ADAMTSL1: variants seen among roughly 807,000 people sequenced by gnomAD.
The protein encoded by ADAMTSL1 is ADAMTS-like protein 1.
In ADAMTSL1, 126 loss-of-function variants were observed where a neutral mutation model predicts 201.8. That is an observed-to-expected ratio of 0.62 (90% CI 0.54 to 0.72). ADAMTSL1 has a LOEUF of 0.72. Among genes scored for constraint, ADAMTSL1 ranks in the 30% least tolerant of loss-of-function variants. The pLI is 0.00. For synonymous variants in ADAMTSL1, 1,121 were observed against 903.4 expected, an observed-to-expected ratio of 1.24 and a Z score of -4.32; for missense variants, 2,679 against 2,277.8, an observed-to-expected ratio of 1.18 and a Z score of -3.59.
chr9:18,358,374 T>C (rs1474718619), intron 2 of ADAMTSL1, among the ~76,000 whole-genome samples: 1 of 152,184 alleles, frequency 6.6e-6, no homozygotes, highest in Non-Finnish European at 1.5e-5. Context: ...TTTATAGAGA[T>C]AAAATCCATA....
intron 23 of ADAMTSL1, among the ~76,000 whole-genome samples, chr9:18,876,319 TGTGTGTGTGTGC>T (rs930702465): frequency 8.6e-5 from 13 of 151,480 alleles, no homozygotes; most frequent in Admixed American, 2.0e-4. Flanking sequence ...TGTGTGTGTG[TGTGTGTGTGTGC>T]GTGATTGTTT....
chr9:17,965,953 T>C (rs2131411793), intron 1 of ADAMTSL1, among the ~76,000 whole-genome samples: 1 of 152,310 alleles, frequency 6.6e-6, no homozygotes, highest in South Asian at 2.1e-4. Context: ...CACTTGGGTC[T>C]TCTCTACTTT....
At chr9:17,995,919 T>C (rs1289330470) in intron 1 of ADAMTSL1, among the ~76,000 whole-genome samples, 1 of 151,886 alleles carries the variant, frequency 6.6e-6, no homozygotes, top group Non-Finnish European at 1.5e-5. Context: ...TCCTCATCTC[T>C]AAAATGACAC....
At chr9:18,809,758 C>T (rs927622430) in intron 20 of ADAMTSL1, among the ~76,000 whole-genome samples, 1 of 152,052 alleles carries the variant, frequency 6.6e-6, no homozygotes, top group African/African-American at 2.4e-5. Context: ...CATTGCACTC[C>T]AGCCTGGGCA....
chr9:18,488,234 A>G (rs2131841782), intron 1 of ADAMTSL1, among the ~76,000 whole-genome samples: 1 of 152,182 alleles, frequency 6.6e-6, no homozygotes, highest in South Asian at 2.1e-4. Context: ...CTTACCTTAG[A>G]TCTGTTCTGT....
At chr9:18,144,109 T>A (rs1359803605) in intron 1 of ADAMTSL1, among the ~76,000 whole-genome samples, 1 of 152,206 alleles carries the variant, frequency 6.6e-6, no homozygotes, top group African/African-American at 2.4e-5. Flanking sequence ...TAAAACTTAC[T>A]ACAAGGACAA....
At chr9:18,073,261 C>T (rs903490929) in intron 1 of ADAMTSL1, among the ~76,000 whole-genome samples, 3 of 152,054 alleles carry the variant, frequency 2.0e-5, no homozygotes, top group Non-Finnish European at 4.4e-5. Context: ...AATTGTGGGC[C>T]CTGTGAGGAG....
intron 23 of ADAMTSL1, among the ~76,000 whole-genome samples, chr9:18,864,592 A>G (rs982835439): frequency 6.6e-6 from 1 of 152,240 alleles, no homozygotes; most frequent in East Asian, 1.9e-4. Context: ...TAAAGTTAGC[A>G]TCTTCTGCTG....
intron 1 of ADAMTSL1, among the ~76,000 whole-genome samples, chr9:18,151,210 A>G (rs1002545770): frequency 6.6e-6 from 1 of 152,102 alleles, no homozygotes; most frequent in Non-Finnish European, 1.5e-5. Context: ...AAAACTAGAC[A>G]GTCCTCCAAA....
At position 18,235,258 on chromosome 9, in the gene ADAMTSL1, A is replaced by G. The variant is rs141915508; in HGVS notation, c.207+71277A>G. Among the ~76,000 whole-genome samples the G allele has an allele frequency of 9.2e-5, 14 of 152,288 alleles. No homozygotes were observed. In the East Asian group the frequency reaches 2.5e-3, roughly 27 times the overall value. ...TCAGGTATTTTCTCGAATGTCTGAA[A>G]TTGGGATTTGTCTGATGTTTTCATC... On this transcript the variant is annotated intron_variant, in intron 2 of 29. Transcript: ENST00000680146.
intron 19 of ADAMTSL1, among the ~76,000 whole-genome samples, chr9:18,791,695 TAAGAC>T (rs1822068396): frequency 6.6e-6 from 1 of 152,214 alleles, no homozygotes; most frequent in African/African-American, 2.4e-5. Flanking sequence ...GATTCTGTCT[TAAGAC>T]AATATTTAAG....
chr9:18,020,143 T>C (rs1820422092), intron 1 of ADAMTSL1, among the ~76,000 whole-genome samples: 1 of 152,042 alleles, frequency 6.6e-6, no homozygotes, highest in South Asian at 2.1e-4. Flanking sequence ...AAGTAGATGA[T>C]GGAAGTAGAC....
intron 1 of ADAMTSL1, among the ~76,000 whole-genome samples, chr9:17,964,736 G>A (rs745810651): frequency 7.2e-5 from 11 of 152,184 alleles, no homozygotes; most frequent in Non-Finnish European, 1.2e-4. Flanking sequence ...GGATTTCTCT[G>A]TGTTGCTTCT....
chr9:18,095,416 CTTTTTTTTTTTTTT>C (rs35164794), intron 1 of ADAMTSL1, among the ~76,000 whole-genome samples: 3 of 100,128 alleles, frequency 3.0e-5, no homozygotes, highest in Non-Finnish European at 6.0e-5. Flanking sequence ...TTCTTTCTTT[CTTTTTTTTTTTTTT>C]TTTTTTTTTT....
intron 2 of ADAMTSL1, among the ~76,000 whole-genome samples, chr9:18,336,197 T>A (rs1384107433): frequency 6.6e-6 from 1 of 152,138 alleles, no homozygotes; most frequent in African/African-American, 2.4e-5. Context: ...ATGAAAGAGC[T>A]TAGAGTTGGT....
At chr9:18,140,282 A>C (rs542037788) in intron 1 of ADAMTSL1, among the ~76,000 whole-genome samples, 7 of 152,324 alleles carry the variant, frequency 4.6e-5, no homozygotes, top group African/African-American at 1.7e-4. Context: ...ATGGCCCCCA[A>C]GACCACCCTC....
At chr9:18,899,240 G>C (rs1829852708) in intron 26 of ADAMTSL1, among the ~76,000 whole-genome samples, 1 of 151,738 alleles carries the variant, frequency 6.6e-6, no homozygotes, top group East Asian at 1.9e-4. Context: ...CAGCAAACAA[G>C]GGAAGTGAGG....
intron 4 of ADAMTSL1, among the ~76,000 whole-genome samples, chr9:18,604,725 A>G (rs1284488672): frequency 6.6e-6 from 1 of 152,238 alleles, no homozygotes; most frequent in Non-Finnish European, 1.5e-5. Context: ...ACATAGGCAC[A>G]CAAGTGTATG....
chr9:18,065,557 A>G (rs1347262319), intron 1 of ADAMTSL1, among the ~76,000 whole-genome samples: 1 of 152,222 alleles, frequency 6.6e-6, no homozygotes, highest in East Asian at 1.9e-4. Context: ...CAGGTCGTAG[A>G]TGAAAAGTAA....
Sources: gnomAD v4.1 joint callset for allele counts (sites outside exome capture counted in the v4.1 genomes callset) on GRCh38, gnomAD v4.1.1 for gene constraint, MANE v1.5 for transcripts, NCBI Gene and HGNC (gene_info 2026-07-23, HGNC 2026-07-21) for gene names.